The following GALM variants were observed in gnomAD, a reference collection of about 807,000 sequenced individuals.
GALM encodes aldose 1-epimerase.
Under a neutral mutation model 37.4 loss-of-function variants are expected in GALM, and 43 were observed. That is an observed-to-expected ratio of 1.15 (90% CI 0.90 to 1.48). The LOEUF (loss-of-function observed/expected upper bound fraction) is 1.48, where lower values mean the gene tolerates loss of function less well. Ranked by LOEUF, GALM falls within the 40% of genes most tolerant of loss-of-function variation. GALM has a pLI of 0.00. For synonymous variants in GALM, 199 were observed against 170.6 expected, an observed-to-expected ratio of 1.17 and a Z score of -1.30; for missense variants, 456 against 419.1, an observed-to-expected ratio of 1.09 and a Z score of -0.77.
intron 4 of GALM, among the ~76,000 whole-genome samples, chr2:38,714,988 G>C (rs1666240818): frequency 6.6e-6 from 1 of 151,944 alleles, no homozygotes; most frequent in Admixed American, 6.6e-5. Context: ...GCCTATAGTT[G>C]GATTTTTTTC....
chr2:38,715,082 G>A (rs1193982734), intron 4 of GALM, among the ~76,000 whole-genome samples: 1 of 152,150 alleles, frequency 6.6e-6, no homozygotes, highest in East Asian at 1.9e-4. Context: ...ATAGCCTTTT[G>A]CTGACTTGAT....
chr2:38,689,778 A>T (rs1037620794), intron 3 of GALM, 35 bp from the exon 4 acceptor site: 1 of 1,219,046 alleles, frequency 8.2e-7, no homozygotes, highest in African/African-American at 1.5e-5. Flanking sequence ...AAATAAGACT[A>T]AGCAGAAAAC....
rs564805621 is a variant in GALM at position 38,704,754 on chromosome 2, T to C, written c.634+14860T>C. Among the ~76,000 whole-genome samples, 418 of 152,190 alleles carry C rather than the reference T, an allele frequency of 2.7e-3. 5 individuals are homozygous for C. Among genetic ancestry groups the C allele is most frequent in the African/African-American group, 9.8e-3 (407 of 41,526 alleles). ...AAGTTAAACTCATGACATTGGACCC[T>C]ATGAAATGTGTTTACCCTAGAGCTG... On this transcript the variant is annotated intron_variant, in intron 4 of 6. Transcript: ENST00000272252.
chr2:38,721,588 C>T (rs12617755), intron 4 of GALM, among the ~76,000 whole-genome samples: 129,200 of 152,164 alleles, frequency 0.85, 55,288 homozygotes, highest in East Asian at 0.98. Flanking sequence ...ATCATGGCTC[C>T]CTGCAGCCTT....
intron 3 of GALM, among the ~76,000 whole-genome samples, chr2:38,682,983 A>AT (rs904646243): frequency 1.3e-5 from 2 of 152,156 alleles, no homozygotes; most frequent in Non-Finnish European, 2.9e-5. Flanking sequence ...ACTTCTTAAA[A>AT]TAAGTTCAGA....
intron 4 of GALM, chr2:38,698,500 A>T (rs1033993106): frequency 1.3e-6 from 1 of 768,752 alleles, no homozygotes. Flanking sequence ...CAGAGCAATT[A>T]TTCTTAGCTA....
At chr2:38,676,111 C>G (rs377107067) in intron 2 of GALM, 45 bp downstream of exon 2, 1 of 1,593,042 alleles carries the variant, frequency 6.3e-7, no homozygotes, top group Admixed American at 1.7e-5. Context: ...GCTCACTTTA[C>G]GCATACCTTC....
rs1393881015 is a variant in GALM, at chr2:38,733,943, C to T, written c.*378C>T. 3.3e-6 allele frequency: 1 copy of T among 305,466 alleles called. No individual in the cohort carries two copies. The highest frequency in any genetic ancestry group is 6.4e-6 in the Non-Finnish European group (1 of 155,430). 18.9% of individuals were successfully genotyped at this position (305,466 alleles called of 1,614,324 possible). On this transcript the variant is annotated 3_prime_UTR_variant, in exon 7 of 7. Coordinates refer to ENST00000272252, the MANE Select transcript of GALM (RefSeq NM_138801.3). Reference sequence around the variant, plus strand: ...ATTCTCACATTGCTTTTATTTCCTCCTCCTTCACCTCCAACCACTGTCAGC... The same window carrying T: ...ATTCTCACATTGCTTTTATTTCCTCTTCCTTCACCTCCAACCACTGTCAGC...
chr2:38,714,940 A>G (rs1454365963), intron 4 of GALM, among the ~76,000 whole-genome samples: 1 of 152,170 alleles, frequency 6.6e-6, no homozygotes, highest in African/African-American at 2.4e-5. Context: ...AATCTGTCCA[A>G]TGCTGAGAAA....
intron 1 of GALM, among the ~76,000 whole-genome samples, chr2:38,674,617 C>G (rs1665194526): frequency 6.6e-6 from 1 of 152,144 alleles, no homozygotes; most frequent in African/African-American, 2.4e-5. Context: ...GGCAAACCTA[C>G]TCTATATCCT....
intron 4 of GALM, among the ~76,000 whole-genome samples, chr2:38,704,045 A>G (rs1665985886): frequency 6.6e-6 from 1 of 151,250 alleles, no homozygotes; most frequent in South Asian, 2.1e-4. Context: ...AAATAAATAA[A>G]TAAAATAAAA....
chr2:38,670,534 C>A (rs556795886), intron 1 of GALM, among the ~76,000 whole-genome samples: 329 of 152,224 alleles, frequency 2.2e-3, no homozygotes, highest in Non-Finnish European at 4.0e-3. Context: ...TAAAGCTGTG[C>A]GACCCCGGGC....
chr2:38,673,824 A>G (rs1011032455), intron 1 of GALM, among the ~76,000 whole-genome samples: 1 of 149,754 alleles, frequency 6.7e-6, no homozygotes, highest in African/African-American at 2.5e-5. Context: ...AAAAAAAAAA[A>G]GGGAACTCAA....
intron 3 of GALM, among the ~76,000 whole-genome samples, chr2:38,689,039 C>T (rs1427773339): frequency 5.3e-5 from 8 of 152,142 alleles, no homozygotes; most frequent in Non-Finnish European, 1.0e-4. Flanking sequence ...AGGCTGGTCT[C>T]GAACTCCTGA....
intron 4 of GALM, among the ~76,000 whole-genome samples, chr2:38,722,029 T>TCCCCCCCCCCCCCCCCCCCCCCCC (rs1558596017): frequency 5.4e-5 from 1 of 18,676 alleles, no homozygotes. Context: ...ATGCCTTCCC[T>TCCCCCCCCCCCCCCCCCCCCCCCC]TCCCCCCCCC....
Position 38,672,346 on chromosome 2 carries a change from G to A in GALM, c.191-3566G>A, listed in dbSNP as rs778721297. 9.9e-5 allele frequency among the ~76,000 whole-genome samples: 15 copies of A among 152,192 alleles called. No individual in the cohort carries two copies. The East Asian group carries it at 1.2e-3, about 12-fold the overall frequency. On this transcript the variant is annotated intron_variant, in intron 1 of 6. Transcript: ENST00000272252. ...TATAATTTTTGAGCTTCTGAAAAGC[G>A]GATGAAACAAAACCAAGGAAAGATT... is the stretch of plus-strand genomic sequence containing the variant.
chr2:38,692,894 C>T (rs1227008361), intron 4 of GALM, among the ~76,000 whole-genome samples: 1 of 152,134 alleles, frequency 6.6e-6, no homozygotes, highest in Non-Finnish European at 1.5e-5. Flanking sequence ...CAAGAAATAG[C>T]AGGACTAGCC....
At chr2:38,722,534 A>G (rs1284943411) in intron 4 of GALM, among the ~76,000 whole-genome samples, 1 of 152,062 alleles carries the variant, frequency 6.6e-6, no homozygotes, top group Non-Finnish European at 1.5e-5. Context: ...AGAATAAGAA[A>G]TCCTCTTCAG....
At chr2:38,674,048 T>C (rs77811295) in intron 1 of GALM, among the ~76,000 whole-genome samples, 12,264 of 152,146 alleles carry the variant, frequency 0.081, 795 homozygotes, top group East Asian at 0.32. Flanking sequence ...GCCAGACTGT[T>C]AATAGTGGTT....
Sources: gnomAD v4.1 joint callset for allele counts (sites outside exome capture counted in the v4.1 genomes callset) on GRCh38, gnomAD v4.1.1 for gene constraint, MANE v1.5 for transcripts, NCBI Gene and HGNC (gene_info 2026-07-23, HGNC 2026-07-21) for gene names.